SGPP2: variants seen among roughly 807,000 people sequenced by gnomAD.
SGPP2 encodes sphingosine 1-phosphate phosphohydrolase 2.
SGPP2 carries 30 observed loss-of-function variants against 33.9 expected under a neutral mutation model. The observed-to-expected ratio is 0.89, with a 90% CI of 0.66 to 1.20. The LOEUF is 1.20. Among genes scored for constraint, SGPP2 ranks in the 50% most tolerant of loss-of-function variants. The probability of loss-of-function intolerance (pLI) is 0.00; values close to 1 mark genes in which losing one functional copy is unlikely to be tolerated. For missense variants in SGPP2, 458 were observed against 532.1 expected, an observed-to-expected ratio of 0.86 and a Z score of 1.37; for synonymous variants, 233 against 225.0, an observed-to-expected ratio of 1.04 and a Z score of -0.32.
At chr2:222,535,947 C>T (rs1698909212) in intron 4 of SGPP2, among the ~76,000 whole-genome samples, 2 of 152,198 alleles carry the variant, frequency 1.3e-5, no homozygotes, top group Non-Finnish European at 2.9e-5. Context: ...CTGGGTGGTA[C>T]TGAGAATGCA....
At chr2:222,425,804 T>C (rs1697060687) in intron 1 of SGPP2, among the ~76,000 whole-genome samples, 1 of 152,180 alleles carries the variant, frequency 6.6e-6, no homozygotes, top group Admixed American at 6.5e-5. Flanking sequence ...TACGTGTAAA[T>C]TTCTAGATGT....
chr2:222,436,232 C>T (rs1056390544), intron 1 of SGPP2, among the ~76,000 whole-genome samples: 2 of 152,154 alleles, frequency 1.3e-5, no homozygotes, highest in South Asian at 2.1e-4. Flanking sequence ...CTAGTGGCAG[C>T]GTTCCCCACT....
intron 1 of SGPP2, among the ~76,000 whole-genome samples, chr2:222,459,499 T>A (rs1697626428): frequency 6.6e-6 from 1 of 152,108 alleles, no homozygotes; most frequent in Admixed American, 6.6e-5. Context: ...GCTGAAGTCA[T>A]TATTTTAACC....
chr2:222,521,720 C>T (rs1698687608), intron 2 of SGPP2, 47 bp from the exon 3 acceptor site: 2 of 1,551,914 alleles, frequency 1.3e-6, no homozygotes, highest in South Asian at 1.2e-5. Flanking sequence ...GAAATGCATT[C>T]ATTTTCCTTA....
chr2:222,428,048 ATC>A (rs775668175), intron 1 of SGPP2, among the ~76,000 whole-genome samples: 8 of 152,220 alleles, frequency 5.3e-5, no homozygotes, highest in Non-Finnish European at 1.2e-4. Context: ...GGGAAGTCAG[ATC>A]TTTTGACTCC....
Position 222,476,142 on chromosome 2 carries a change from A to C in SGPP2, c.378+1416A>C, listed in dbSNP as rs989074650. ...GCACTAGAAATAGAGGTTCAGAAGCACTTGGTTGGGTATAAAAGAGAAGAT... is the reference window on the plus strand; with the variant it reads ...GCACTAGAAATAGAGGTTCAGAAGCCCTTGGTTGGGTATAAAAGAGAAGAT... On this transcript the variant is annotated intron_variant, in intron 2 of 4. Transcript: ENST00000321276. The surrounding 1 kb of genome is among the most constrained non-coding windows in gnomAD (Gnocchi z 4.3). 6.6e-6 allele frequency among the ~76,000 whole-genome samples: 1 copy of C among 152,216 alleles called. No homozygotes were observed.
In SGPP2 at chr2:222,434,969, G is replaced by GATATAT. The variant is rs148792824; in HGVS notation, c.219+10150_219+10155dup. Among the ~76,000 whole-genome samples the GATATAT allele has an allele frequency of 1.0e-2, 191 of 19,156 alleles. 5 individuals carry two copies. Among genetic ancestry groups the GATATAT allele is most frequent in the African/African-American group, 0.035 (181 of 5,220 alleles). 12.6% of individuals were successfully genotyped at this position (19,156 alleles called of 152,430 possible). On this transcript the variant is annotated intron_variant, in intron 1 of 4. Coordinates refer to ENST00000321276, the MANE Select transcript of SGPP2 (RefSeq NM_152386.4). ...AGAGGGACAGACCTAACAGAATGGA[G>GATATAT]ATATATACACACACACACACACACA...
intron 2 of SGPP2, among the ~76,000 whole-genome samples, chr2:222,487,787 T>C (rs1698134802): frequency 6.6e-6 from 1 of 152,132 alleles, no homozygotes; most frequent in South Asian, 2.1e-4. Flanking sequence ...TGGTGGGCTG[T>C]ACAGAAAATC....
intron 1 of SGPP2, among the ~76,000 whole-genome samples, chr2:222,455,037 G>A (rs1697550566): frequency 6.6e-6 from 1 of 152,056 alleles, no homozygotes; most frequent in Admixed American, 6.5e-5. Flanking sequence ...CAAGGAGCTT[G>A]AAGTCTAGTT....
At chr2:222,438,357 A>G (rs4327225) in intron 1 of SGPP2, among the ~76,000 whole-genome samples, 114,970 of 152,176 alleles carry the variant, frequency 0.76, 43,655 homozygotes, top group Middle Eastern at 0.87. Flanking sequence ...ACTGGATCCA[A>G]TCAGCATAAT....
At chr2:222,541,724 G>A (rs36105948) in intron 4 of SGPP2, among the ~76,000 whole-genome samples, 48,777 of 151,424 alleles carry the variant, frequency 0.32, 8,606 homozygotes, top group Middle Eastern at 0.48. Flanking sequence ...AGTGATTCTC[G>A]TGCCTCAGCC....
At position 222,555,614 on chromosome 2, in the gene SGPP2, G is replaced by C. The variant is rs116813180; in HGVS notation, c.649-2733G>C. Among the ~76,000 whole-genome samples, 1,396 of 152,152 alleles carry C rather than the reference G, an allele frequency of 9.2e-3. 17 individuals are homozygous for C. Among genetic ancestry groups the C allele is most frequent in the African/African-American group, 0.027 (1,128 of 41,514 alleles). On this transcript the variant is annotated intron_variant, in intron 4 of 4. Coordinates refer to ENST00000321276, the MANE Select transcript of SGPP2 (RefSeq NM_152386.4). ...TGTGGATTTGAGAGGCACACTGATAGGGAATGGAGAGTTGAAGCCAGGGAG... is the reference window on the plus strand; with the variant it reads ...TGTGGATTTGAGAGGCACACTGATACGGAATGGAGAGTTGAAGCCAGGGAG...
At chr2:222,469,240 G>T (rs1697801736) in intron 1 of SGPP2, among the ~76,000 whole-genome samples, 1 of 152,286 alleles carries the variant, frequency 6.6e-6, no homozygotes, top group Admixed American at 6.5e-5. Flanking sequence ...CTGGAGTGCA[G>T]TGGCGTGATC....
At position 222,560,632 on chromosome 2, in the gene SGPP2, C is replaced by CT. The variant is rs1419361123; in HGVS notation, c.*1737dup. 6.6e-6 allele frequency: 1 copy of CT among 152,156 alleles called. No individual in the cohort carries two copies. The highest frequency in any genetic ancestry group is 2.4e-5 in the African/African-American group (1 of 41,428). The allele number at this position is 152,156 out of a possible 1,614,324, so 9.4% of individuals were successfully genotyped here. A position where few individuals can be genotyped will look rare whatever the true frequency, so the allele number is the denominator to read the frequency against. On this transcript the variant is annotated 3_prime_UTR_variant, in exon 5 of 5. Transcript: ENST00000321276. ...TAGTGCCTGTAGGACTGAGCCAGTG[C>CT]TTTATCAACCCAACACATCATCACC...
In SGPP2 at chr2:222,562,494, T is replaced by G. The variant is rs1689566875; in HGVS notation, c.*3596T>G. 6.6e-6 allele frequency among the ~76,000 whole-genome samples: 1 copy of G among 152,234 alleles called. No individual in the cohort carries two copies. The highest frequency in any genetic ancestry group is 2.1e-4 in the South Asian group (1 of 4,826). ...AGTGTAATCAAAGCATGTGGTGTTT[T>G]GGGGCCATATGCACCAGGTTTCTAT... On this transcript the variant is annotated 3_prime_UTR_variant, in exon 5 of 5. Coordinates refer to ENST00000321276, the MANE Select transcript of SGPP2 (RefSeq NM_152386.4).
intron 2 of SGPP2, among the ~76,000 whole-genome samples, chr2:222,514,225 G>A (rs1005235752): frequency 6.6e-6 from 1 of 152,224 alleles, no homozygotes; most frequent in Non-Finnish European, 1.5e-5. Context: ...TTATGAAGCA[G>A]TATCACTATG....
chr2:222,439,180 GCA>G (rs768071250), intron 1 of SGPP2, among the ~76,000 whole-genome samples: 16 of 152,140 alleles, frequency 1.1e-4, no homozygotes, highest in Non-Finnish European at 2.1e-4. Flanking sequence ...TTTCCCCAGT[GCA>G]CAGTTACCCT....
chr2:222,470,631 G>A (rs572170870), intron 1 of SGPP2, among the ~76,000 whole-genome samples: 7 of 145,332 alleles, frequency 4.8e-5, no homozygotes, highest in East Asian at 2.0e-4. Context: ...GTCTCAGGTC[G>A]GTCTCTAGAG....
chr2:222,555,306 T>G lies in SGPP2; in HGVS notation c.649-3041T>G, dbSNP rs373332939. ...TTAATAAAACTGCTATAAGCATGCA[T>G]GTACCATTATTTGTGGGAACATAAG... is the stretch of plus-strand genomic sequence containing the variant. On this transcript the variant is annotated intron_variant, in intron 4 of 4. Coordinates refer to ENST00000321276, the MANE Select transcript of SGPP2 (RefSeq NM_152386.4). Among the ~76,000 whole-genome samples the G allele has an allele frequency of 6.6e-5, 10 of 152,340 alleles. 1 individual carries two copies. In the East Asian group the frequency reaches 9.6e-4, roughly 15 times the overall value.
Sources: gnomAD v4.1 joint callset for allele counts (sites outside exome capture counted in the v4.1 genomes callset) on GRCh38, gnomAD v4.1.1 for gene constraint, Gnocchi (gnomAD v3.1) non-coding constraint, MANE v1.5 for transcripts, NCBI Gene and HGNC (gene_info 2026-07-23, HGNC 2026-07-21) for gene names.